ANXA4: variants seen among roughly 807,000 people sequenced by gnomAD.
ANXA4 encodes 35-beta calcimedin.
In ANXA4, 39 loss-of-function variants were observed where a neutral mutation model predicts 49.8. That is an observed-to-expected ratio of 0.78 (90% CI 0.61 to 1.02). ANXA4 has a LOEUF of 1.02. Among genes scored for constraint, ANXA4 ranks in the 50% least tolerant of loss-of-function variants. The pLI is 0.00. For missense variants in ANXA4, 360 were observed against 410.1 expected (o/e 0.88, Z 1.05); for synonymous variants, 134 against 152.5 (o/e 0.88, Z 0.89).
At chr2:69,656,391 GTATATATATGTATATATATGTATA>G (rs1676490119) in intron 2 of ANXA4, among the ~76,000 whole-genome samples, 2 of 73,050 alleles carry the variant, frequency 2.7e-5, no homozygotes, top group Non-Finnish European at 5.7e-5. Flanking sequence ...ATATATATGT[GTATATATATGTATATATATGTATA>G]TATATATGTG....
intron 3 of ANXA4, among the ~76,000 whole-genome samples, chr2:69,729,140 A>G (rs1670035418): frequency 6.6e-6 from 1 of 152,166 alleles, no homozygotes; most frequent in South Asian, 2.1e-4. Context: ...CAGCTTCCCA[A>G]GTAGCTGGGA....
chr2:69,772,754 C>T (rs1179870223), intron 1 of ANXA4, among the ~76,000 whole-genome samples: 1 of 152,148 alleles, frequency 6.6e-6, no homozygotes, highest in Non-Finnish European at 1.5e-5. Context: ...CGCAGTGGCT[C>T]ACACCTGTAA....
intron 1 of ANXA4, among the ~76,000 whole-genome samples, chr2:69,648,714 G>C (rs565598019): frequency 6.6e-6 from 1 of 150,962 alleles, no homozygotes; most frequent in Non-Finnish European, 1.5e-5. Context: ...ATACCAGCTC[G>C]GGAGGCTGAG....
intron 12 of ANXA4, among the ~76,000 whole-genome samples, chr2:69,825,246 T>A (rs1439878179): frequency 6.6e-6 from 1 of 152,108 alleles, no homozygotes; most frequent in Non-Finnish European, 1.5e-5. Context: ...AATAGTAGTC[T>A]CTAGATGATG....
intron 2 of ANXA4, among the ~76,000 whole-genome samples, chr2:69,714,813 C>T (rs567819525): frequency 6.6e-6 from 1 of 152,224 alleles, no homozygotes; most frequent in Non-Finnish European, 1.5e-5. Flanking sequence ...TTTCCCTTGG[C>T]TTCCCCGGGG....
At chr2:69,793,000 TC>T (rs1573266815) in intron 3 of ANXA4, among the ~76,000 whole-genome samples, 1 of 152,206 alleles carries the variant, frequency 6.6e-6, no homozygotes, top group South Asian at 2.1e-4. Context: ...CTGCCTGTAA[TC>T]CCAGCACTTT....
At chr2:69,796,223 C>A (rs1350935677) in intron 3 of ANXA4, among the ~76,000 whole-genome samples, 1 of 152,204 alleles carries the variant, frequency 6.6e-6, no homozygotes, top group Non-Finnish European at 1.5e-5. Flanking sequence ...CTGGGCAATT[C>A]TTCTTAAAGT....
At chr2:69,747,368 C>T (rs1395000872) in intron 1 of ANXA4, among the ~76,000 whole-genome samples, 1 of 152,138 alleles carries the variant, frequency 6.6e-6, no homozygotes, top group African/African-American at 2.4e-5. Flanking sequence ...CCATGATCAG[C>T]CCCCAGCATC....
chr2:69,812,731 T>A, intron 8 of ANXA4, 22 bp downstream of exon 8: 1 of 1,612,480 alleles, frequency 6.2e-7, no homozygotes, highest in Non-Finnish European at 8.5e-7. Context: ...TGCAGCTTCT[T>A]TCTTCCAGCT....
rs144814615 is a variant in ANXA4 at position 69,650,028 on chromosome 2, C to T, written n.482-2970C>T. Among the ~76,000 whole-genome samples the T allele has an allele frequency of 2.3e-3, 340 of 146,612 alleles. 3 individuals carry two copies. Among genetic ancestry groups the T allele is most frequent in the African/African-American group, 8.3e-3 (326 of 39,444 alleles). On this transcript the variant is annotated intron_variant and non_coding_transcript_variant, in intron 1 of 3. Coordinates refer to the ANXA4 transcript ENST00000418066. ...TCGGCTGACTGCAGCCACCACCTCC[C>T]GGGTTCAAGAGATTCTCCCACCTCA...
At chr2:69,750,978 A>T (rs950707196) in intron 1 of ANXA4, among the ~76,000 whole-genome samples, 1 of 152,128 alleles carries the variant, frequency 6.6e-6, no homozygotes, top group African/African-American at 2.4e-5. Flanking sequence ...GGAGATGTTG[A>T]TAGCTAATGT....
At chr2:69,755,489 T>TAG (rs1671007965) in intron 1 of ANXA4, among the ~76,000 whole-genome samples, 1 of 152,188 alleles carries the variant, frequency 6.6e-6, no homozygotes, top group Admixed American at 6.5e-5. Flanking sequence ...CCTGCACCTG[T>TAG]AGTCCCAGCT....
chr2:69,741,787 C>A (rs112594951), upstream of ANXA4, among the ~76,000 whole-genome samples: 6,301 of 152,242 alleles, frequency 0.041, 428 homozygotes, highest in African/African-American at 0.14. Context: ...GTGGAGCGCC[C>A]GGGAAACGGG....
intron 2 of ANXA4, among the ~76,000 whole-genome samples, chr2:69,655,742 G>A (rs886377069): frequency 2.0e-5 from 3 of 152,058 alleles, no homozygotes; most frequent in Non-Finnish European, 4.4e-5. Flanking sequence ...TGTTTATTGC[G>A]GCACTGTTCA....
Position 69,686,646 on chromosome 2 carries a change from G to T in ANXA4, n.766+33364G>T, listed in dbSNP as rs1215341545. On this transcript the variant is annotated intron_variant and non_coding_transcript_variant, in intron 2 of 3. Transcript: ENST00000418066. ...ACTTTTTTAAATTTTTTGTAGAAAC[G>T]GGGTCTCACTATACTGCCCAGACTG... Among the ~76,000 whole-genome samples the T allele has an allele frequency of 3.9e-5, 6 of 152,180 alleles. No individual in the cohort carries two copies. The South Asian group carries it at 1.2e-3, about 32-fold the overall frequency.
chr2:69,763,148 G>T (rs977638565), intron 1 of ANXA4, among the ~76,000 whole-genome samples: 1 of 152,088 alleles, frequency 6.6e-6, no homozygotes, highest in Non-Finnish European at 1.5e-5. Context: ...CTCTTCTGCC[G>T]GAATCAGCTT....
chr2:69,738,033 G>A (rs545220283), upstream of ANXA4, among the ~76,000 whole-genome samples: 33 of 152,230 alleles, frequency 2.2e-4, no homozygotes, highest in African/African-American at 6.7e-4. Flanking sequence ...ATAATTTTTA[G>A]TATAAGTATG....
chr2:69,671,353 C>A (rs1677179273), intron 2 of ANXA4, among the ~76,000 whole-genome samples: 1 of 152,116 alleles, frequency 6.6e-6, no homozygotes, highest in African/African-American at 2.4e-5. Flanking sequence ...TAAAGAACTC[C>A]TGTGAATCAA....
intron 1 of ANXA4, among the ~76,000 whole-genome samples, chr2:69,774,327 GCCC>G (rs71397354): frequency 0.018 from 1,590 of 89,470 alleles, 75 homozygotes; most frequent in African/African-American, 0.057. Flanking sequence ...TGTAAAAGGA[GCCC>G]CCCCCCCCCC....
Sources: allele counts gnomAD v4.1 joint callset (sites outside exome capture counted in the v4.1 genomes callset), GRCh38; gene constraint gnomAD v4.1.1; transcripts MANE v1.5; gene names NCBI Gene and HGNC (gene_info 2026-07-23, HGNC 2026-07-21).